Variants in ANO1 observed in about 807,000 individuals in gnomAD.
ANO1 encodes anoctamin-1.
Under a neutral mutation model 124.0 loss-of-function variants are expected in ANO1, and 59 were observed. The observed-to-expected ratio is 0.48, with a 90% CI of 0.39 to 0.59. The LOEUF (loss-of-function observed/expected upper bound fraction) is 0.59, where lower values mean the gene tolerates loss of function less well. Among genes scored for constraint, ANO1 ranks in the 20% least tolerant of loss-of-function variants. ANO1 has a pLI of 0.00. For missense variants in ANO1, 1,059 were observed against 1,328.0 expected (o/e 0.80, Z 3.15); for synonymous variants, 529 against 532.0 (o/e 0.99, Z 0.08).
intron 1 of ANO1, among the ~76,000 whole-genome samples, chr11:70,067,323 GTTTT>G (rs71046572): frequency 6.3e-5 from 8 of 126,534 alleles, no homozygotes; most frequent in East Asian, 2.4e-4. Flanking sequence ...AATCGTGGGT[GTTTT>G]TTTTTTTTTT....
intron 1 of ANO1, among the ~76,000 whole-genome samples, chr11:70,032,689 C>T (rs1555003937): frequency 6.6e-6 from 1 of 152,172 alleles, no homozygotes; most frequent in Admixed American, 6.5e-5. Flanking sequence ...GAAGGAAGAA[C>T]AGCTCCAGGG....
intron 11 of ANO1, 127 bp from the exon 12 acceptor site, chr11:70,149,583 G>T: frequency 1.0e-6 from 1 of 953,516 alleles, no homozygotes; most frequent in South Asian, 1.6e-5. Flanking sequence ...CCCAGGAGGC[G>T]AGATTGCAGT....
At chr11:69,974,969 G>A in the ANO1 span, among the ~76,000 whole-genome samples, 62 of 151,678 alleles carry the variant, frequency 4.1e-4, no homozygotes, top group Middle Eastern at 0.014. Context: ...GAAGGTGGCC[G>A]TCTGCAAAAA....
intron 11 of ANO1, among the ~76,000 whole-genome samples, chr11:70,146,730 G>C (rs553473052): frequency 2.0e-5 from 3 of 152,122 alleles, no homozygotes; most frequent in African/African-American, 7.2e-5. Context: ...TCAGTCTATG[G>C]TTGAAGGCGT....
chr11:70,167,414 G>A (rs1194448898), intron 21 of ANO1, 27 bp downstream of exon 21: 2 of 1,598,276 alleles, frequency 1.3e-6, no homozygotes, highest in Non-Finnish European at 1.7e-6. Flanking sequence ...GCAGGCAGGT[G>A]ACATCAGGAT....
intron 4 of ANO1, among the ~76,000 whole-genome samples, chr11:70,105,053 G>A (rs950427944): frequency 6.6e-6 from 1 of 152,022 alleles, no homozygotes; most frequent in Non-Finnish European, 1.5e-5. Flanking sequence ...GGGCATTAGA[G>A]GAAACCGCCC....
intron 1 of ANO1, among the ~76,000 whole-genome samples, chr11:70,068,963 G>A (rs564133174): frequency 6.6e-6 from 1 of 152,322 alleles, no homozygotes; most frequent in South Asian, 2.1e-4. Context: ...GACCAGGGGG[G>A]CCCAGGCCCA....
intron 1 of ANO1, among the ~76,000 whole-genome samples, chr11:70,011,193 G>A (rs967643347): frequency 3.9e-5 from 6 of 152,154 alleles, no homozygotes; most frequent in South Asian, 2.1e-4. Context: ...AGGGAACAGC[G>A]TGTGCAATGG....
In ANO1 at chr11:70,103,170, T is replaced by G. The variant is rs114736871; in HGVS notation, c.540+6T>G. On this transcript the variant is annotated splice_donor_region_variant and intron_variant, in intron 3 of 25. Coordinates refer to ENST00000355303, the MANE Select transcript of ANO1 (RefSeq NM_018043.7). ...TGAAGATGCCGACGAAGAAGGTTGG[T>G]GTTGATGGTCCTGCTCCGAAATGAA... 2.4e-4 allele frequency: 379 copies of G among 1,605,752 alleles called. 1 individual carries two copies. The African/African-American group carries it at 4.0e-3, about 17-fold the overall frequency.
At chr11:70,032,038 CCAGACA>C (rs1475104033) in intron 1 of ANO1, among the ~76,000 whole-genome samples, 2 of 152,194 alleles carry the variant, frequency 1.3e-5, no homozygotes, top group Non-Finnish European at 2.9e-5. Flanking sequence ...CTGCAGGGTG[CCAGACA>C]CTCAGGGAGA....
At chr11:70,166,939 A>G (rs917260288) in intron 20 of ANO1, among the ~76,000 whole-genome samples, 6 of 152,176 alleles carry the variant, frequency 3.9e-5, no homozygotes, top group Non-Finnish European at 7.3e-5. Flanking sequence ...TGAGCTCAGG[A>G]GTTCAAGACC....
intron 1 of ANO1, chr11:70,018,210 A>T (rs1165706339): frequency 1.3e-5 from 2 of 152,154 alleles, no homozygotes; most frequent in Admixed American, 6.6e-5. Flanking sequence ...TTTTAAATTT[A>T]GCTGTGCATG....
At chr11:70,042,246 A>G (rs1207229221) in intron 1 of ANO1, among the ~76,000 whole-genome samples, 1 of 152,186 alleles carries the variant, frequency 6.6e-6, no homozygotes, top group East Asian at 1.9e-4. Context: ...AGCAGCCCTG[A>G]GGCAGCTCAG....
intron 7 of ANO1, 91 bp from the exon 8 acceptor site, chr11:70,116,367 G>A: frequency 2.3e-6 from 3 of 1,282,858 alleles, no homozygotes; most frequent in Non-Finnish European, 3.3e-6. Flanking sequence ...AACGAGAGCT[G>A]CTGGGGTTTA....
intron 1 of ANO1, among the ~76,000 whole-genome samples, chr11:70,035,302 A>G (rs1185288038): frequency 6.6e-6 from 1 of 152,022 alleles, no homozygotes; most frequent in African/African-American, 2.4e-5. Context: ...TTGGGAGAAG[A>G]CTCAGCAGCT....
Position 70,170,930 on chromosome 11 carries a change from C to T in ANO1, c.2241C>T (p.Pro747=). ...TCACCCTGTTTGTCGCCTCCTTCCC[C>T]CTGGCCCCACTGTTTGCGCTGCTGA... ...GFVTLFVASF[P]LAPLFALLNN... is the part of the protein sequence containing the mutation. Residue 747 remains proline, a synonymous_variant, in exon 22 of 26, where the codon CCC becomes CCT. Transcript: ENST00000355303. 1.2e-6 allele frequency: 2 copies of T among 1,613,514 alleles called. No homozygotes were observed. Among genetic ancestry groups the T allele is most frequent in the Non-Finnish European group, 1.7e-6 (2 of 1,179,730 alleles).
At chr11:70,112,581 A>G (rs1359166799) in intron 7 of ANO1, among the ~76,000 whole-genome samples, 1 of 145,490 alleles carries the variant, frequency 6.9e-6, no homozygotes, top group Admixed American at 7.0e-5. Context: ...GAAACAAGAC[A>G]GAGTCTCGCT....
At chr11:70,075,012 G>A (rs925798412), upstream of ANO1, 2 of 152,258 alleles carry the variant, frequency 1.3e-5, no homozygotes, top group Admixed American at 1.3e-4. Context: ...TACAAAAGAG[G>A]AAATCTAGGC....
At chr11:70,031,411 C>G (rs946933223) in intron 1 of ANO1, among the ~76,000 whole-genome samples, 3 of 152,202 alleles carry the variant, frequency 2.0e-5, no homozygotes, top group Non-Finnish European at 4.4e-5. Flanking sequence ...ACTGCAGTCC[C>G]TCTGGTGTGC....
Sources: gnomAD v4.1 joint callset for allele counts (sites outside exome capture counted in the v4.1 genomes callset) on GRCh38, gnomAD v4.1.1 for gene constraint, MANE v1.5 for transcripts, NCBI Gene and HGNC (gene_info 2026-07-23, HGNC 2026-07-21) for gene names.